The following NCEH1 variants were observed in gnomAD, a reference collection of about 807,000 sequenced individuals.
The protein encoded by NCEH1 is neutral cholesterol ester hydrolase 1, also known as 2-acetyl MAGE hydrolase.
NCEH1 carries 9 observed loss-of-function variants against 25.4 expected under a neutral mutation model. The observed-to-expected ratio is 0.35, with a 90% confidence interval of 0.21 to 0.62. The LOEUF (loss-of-function observed/expected upper bound fraction) is 0.62, where lower values mean the gene tolerates loss of function less well. NCEH1 is among the 20% of genes least tolerant of loss of function. NCEH1 has a pLI of 0.72. For synonymous variants in NCEH1, 200 were observed against 199.8 expected, an observed-to-expected ratio of 1.00 and a Z score of -0.01; for missense variants, 412 against 501.1, an observed-to-expected ratio of 0.82 and a Z score of 1.70.
At chr3:172,659,843 C>CAG (rs1717886009) in intron 1 of NCEH1, among the ~76,000 whole-genome samples, 1 of 152,172 alleles carries the variant, frequency 6.6e-6, no homozygotes, top group Non-Finnish European at 1.5e-5. Context: ...CCCTTTCCTT[C>CAG]AGCTCTTCCT....
chr3:172,653,745 T>TTTG, intron 1 of NCEH1, among the ~76,000 whole-genome samples: 1 of 68,246 alleles, frequency 1.5e-5, no homozygotes, highest in African/African-American at 8.4e-5. Context: ...GTTTTTTTTG[T>TTTG]TTTTTTGTTT....
chr3:172,667,710 A>AT (rs1169520180), intron 1 of NCEH1, among the ~76,000 whole-genome samples: 3 of 152,190 alleles, frequency 2.0e-5, no homozygotes, highest in African/African-American at 7.2e-5. Context: ...CTTTTTCTAG[A>AT]TGGGTAACAG....
At chr3:172,642,622 A>AAC (rs1431987121) in intron 3 of NCEH1, among the ~76,000 whole-genome samples, 2 of 149,356 alleles carry the variant, frequency 1.3e-5, no homozygotes, top group Non-Finnish European at 3.0e-5. Flanking sequence ...AAAAAAAAAA[A>AAC]AAGAAAAAGA....
chr3:172,636,743 G>A (rs1050541753), intron 3 of NCEH1, among the ~76,000 whole-genome samples: 3 of 152,146 alleles, frequency 2.0e-5, no homozygotes, highest in African/African-American at 4.8e-5. Context: ...GCCCCACTTC[G>A]CAAGATCAGA....
At chr3:172,651,190 G>A (rs6779265) in intron 1 of NCEH1, among the ~76,000 whole-genome samples, 34,883 of 151,994 alleles carry the variant, frequency 0.23, 4,452 homozygotes, top group Non-Finnish European at 0.28. Context: ...AGACATTAAG[G>A]AGCCAGTACA....
At chr3:172,657,599 A>T (rs1261070092) in intron 1 of NCEH1, among the ~76,000 whole-genome samples, 1 of 152,152 alleles carries the variant, frequency 6.6e-6, no homozygotes, top group African/African-American at 2.4e-5. Flanking sequence ...AATTCTAGAT[A>T]ACAGTCTTTC....
At chr3:172,648,185 A>G in intron 1 of NCEH1, 71 bp from the exon 2 acceptor site, 1 of 1,563,310 alleles carries the variant, frequency 6.4e-7, no homozygotes, top group South Asian at 1.1e-5. Flanking sequence ...TGCCCTCACC[A>G]ACTGAGTGTC....
chr3:172,660,838 A>T (rs1034509116), intron 1 of NCEH1, among the ~76,000 whole-genome samples: 2 of 152,114 alleles, frequency 1.3e-5, no homozygotes, highest in African/African-American at 2.4e-5. Context: ...TTTCTTGTAA[A>T]TTTGTTTAAG....
At chr3:172,653,735 G>GTTTTTGTTTTTTTGTTT (rs780071347) in intron 1 of NCEH1, among the ~76,000 whole-genome samples, 1 of 71,026 alleles carries the variant, frequency 1.4e-5, no homozygotes, top group African/African-American at 5.1e-5. Flanking sequence ...TTGTTGTTCT[G>GTTTTTGTTTTTTTGTTT]TTTTTTTTGT....
intron 1 of NCEH1, among the ~76,000 whole-genome samples, chr3:172,700,411 T>G (rs1272779902): frequency 6.6e-6 from 1 of 152,182 alleles, no homozygotes; most frequent in Non-Finnish European, 1.5e-5. Context: ...TAAGTTATCA[T>G]GAGTGTCCTC....
At chr3:172,668,890 T>C (rs1319239118) in intron 1 of NCEH1, among the ~76,000 whole-genome samples, 1 of 152,092 alleles carries the variant, frequency 6.6e-6, no homozygotes, top group Non-Finnish European at 1.5e-5. Flanking sequence ...TGATGAAAAA[T>C]GTAATGATGG....
chr3:172,649,516 TG>T (rs1178239755), intron 1 of NCEH1, among the ~76,000 whole-genome samples: 3 of 152,226 alleles, frequency 2.0e-5, no homozygotes, highest in Non-Finnish European at 2.9e-5. Context: ...TTCATGTCTT[TG>T]ATACTAATTT....
chr3:172,688,597 G>C lies in NCEH1; in HGVS notation c.138+22250C>G, dbSNP rs536067380. On this transcript the variant is annotated intron_variant, in intron 1 of 4. Transcript: ENST00000475381. ...TAGAAGATTAAAGGAAAATAGATGA[G>C]ATGATATCATATTTATATAAGATAT... Among the ~76,000 whole-genome samples the C allele has an allele frequency of 2.6e-5, 4 of 152,236 alleles. No homozygotes were observed. The East Asian group carries it at 7.7e-4, about 29-fold the overall frequency.
chr3:172,707,714 T>A (rs1454364837), intron 1 of NCEH1, among the ~76,000 whole-genome samples: 11 of 152,248 alleles, frequency 7.2e-5, no homozygotes. Context: ...GCCTCCCGAG[T>A]AGCCGGGACT....
intron 1 of NCEH1, among the ~76,000 whole-genome samples, chr3:172,692,171 C>T (rs1049730965): frequency 6.6e-6 from 1 of 151,874 alleles, no homozygotes; most frequent in Non-Finnish European, 1.5e-5. Flanking sequence ...AAAGAATGAC[C>T]GTCTGAAGTA....
chr3:172,687,046 A>T (rs1206974167), intron 1 of NCEH1, among the ~76,000 whole-genome samples: 2 of 152,220 alleles, frequency 1.3e-5, no homozygotes, highest in Non-Finnish European at 2.9e-5. Flanking sequence ...CAGTTAACGG[A>T]CAATAATGGT....
chr3:172,664,445 T>C (rs1198926885), intron 1 of NCEH1, among the ~76,000 whole-genome samples: 2 of 152,214 alleles, frequency 1.3e-5, no homozygotes, highest in Non-Finnish European at 2.9e-5. Flanking sequence ...GTCTTGGGGT[T>C]GCTCTTCACG....
At chr3:172,644,240 G>GCTTTTGA (rs1461979851) in intron 3 of NCEH1, among the ~76,000 whole-genome samples, 68 of 73,076 alleles carry the variant, frequency 9.3e-4, no homozygotes, top group Non-Finnish European at 1.1e-3. Context: ...AGGGCTTTGG[G>GCTTTTGA]GTGACTCTAG....
intron 3 of NCEH1, among the ~76,000 whole-genome samples, chr3:172,638,396 C>CT (rs901739342): frequency 1.9e-4 from 27 of 144,638 alleles, no homozygotes; most frequent in Non-Finnish European, 3.3e-4. Flanking sequence ...ATGCAAAATG[C>CT]TTTTTTTTTC....
Sources: allele counts gnomAD v4.1 joint callset (sites outside exome capture counted in the v4.1 genomes callset), GRCh38; gene constraint gnomAD v4.1.1; transcripts MANE v1.5; gene names NCBI Gene and HGNC (gene_info 2026-07-23, HGNC 2026-07-21).